EXOC6B: variants seen among roughly 807,000 people sequenced by gnomAD.
The protein encoded by EXOC6B is SEC15 homolog B.
EXOC6B carries 54 observed loss-of-function variants against 113.5 expected under a neutral mutation model. That is an observed-to-expected ratio of 0.48 (90% CI 0.38 to 0.60). The LOEUF (loss-of-function observed/expected upper bound fraction) is 0.60. Among genes scored for constraint, EXOC6B ranks in the 20% least tolerant of loss-of-function variants. The pLI is 0.00. For synonymous variants in EXOC6B, 357 were observed against 339.0 expected (o/e 1.05, Z -0.58); for missense variants, 797 against 977.5 (o/e 0.82, Z 2.46).
At chr2:72,313,381 G>T (rs1055639563) in intron 20 of EXOC6B, among the ~76,000 whole-genome samples, 4 of 152,084 alleles carry the variant, frequency 2.6e-5, no homozygotes, top group African/African-American at 7.2e-5. Flanking sequence ...TTAAATAAAA[G>T]TTAAAAAAAT....
intron 20 of EXOC6B, among the ~76,000 whole-genome samples, chr2:72,333,348 C>A (rs1688510456): frequency 6.6e-6 from 1 of 152,086 alleles, no homozygotes; most frequent in South Asian, 2.1e-4. Flanking sequence ...GGGACCAAAA[C>A]CACAAACTAG....
At chr2:72,407,370 C>A (rs1693849798) in intron 18 of EXOC6B, among the ~76,000 whole-genome samples, 1 of 152,186 alleles carries the variant, frequency 6.6e-6, no homozygotes. Context: ...TTTGATGAGG[C>A]CAGCATCATC....
intron 6 of EXOC6B, among the ~76,000 whole-genome samples, chr2:72,610,485 G>A (rs1052904973): frequency 6.6e-6 from 1 of 152,160 alleles, no homozygotes; most frequent in African/African-American, 2.4e-5. Context: ...CAGGGATTAA[G>A]TAATTGCTGA....
chr2:72,315,883 A>C (rs1444398904), intron 20 of EXOC6B, among the ~76,000 whole-genome samples: 2 of 152,194 alleles, frequency 1.3e-5, no homozygotes, highest in Non-Finnish European at 2.9e-5. Flanking sequence ...ACTGATGAAG[A>C]TAATTATATT....
At chr2:72,443,575 T>G (rs1298030157) in intron 18 of EXOC6B, among the ~76,000 whole-genome samples, 1 of 152,086 alleles carries the variant, frequency 6.6e-6, no homozygotes, top group Non-Finnish European at 1.5e-5. Context: ...AAAACATACC[T>G]AAGACTGGAT....
At chr2:72,590,438 T>C (rs937418096) in intron 6 of EXOC6B, among the ~76,000 whole-genome samples, 20 of 151,886 alleles carry the variant, frequency 1.3e-4, no homozygotes, top group Admixed American at 1.1e-3. Context: ...GAAAACAATA[T>C]GTTACTATGC....
intron 1 of EXOC6B, among the ~76,000 whole-genome samples, chr2:72,796,209 T>C (rs991267686): frequency 2.0e-5 from 3 of 151,034 alleles, no homozygotes; most frequent in Non-Finnish European, 4.4e-5. Flanking sequence ...TCCCAGCACT[T>C]TGGAAGGCCG....
chr2:72,419,595 G>T (rs146000562), intron 18 of EXOC6B, among the ~76,000 whole-genome samples: 2 of 152,204 alleles, frequency 1.3e-5, no homozygotes, highest in Non-Finnish European at 2.9e-5. Flanking sequence ...TTCACAGTTT[G>T]TTTTTTCTTT....
chr2:72,287,215 G>C (rs1048380502), intron 20 of EXOC6B, among the ~76,000 whole-genome samples: 3 of 151,872 alleles, frequency 2.0e-5, no homozygotes, highest in Non-Finnish European at 4.4e-5. Context: ...AGATCACGAG[G>C]TCAGGAGATC....
chr2:72,456,807 A>T (rs1220799949), intron 18 of EXOC6B, among the ~76,000 whole-genome samples: 1 of 152,132 alleles, frequency 6.6e-6, no homozygotes, highest in Non-Finnish European at 1.5e-5. Flanking sequence ...AAAGTACACA[A>T]ATGAATGACA....
At chr2:72,368,512 T>A (rs551504436) in intron 19 of EXOC6B, among the ~76,000 whole-genome samples, 8 of 152,202 alleles carry the variant, frequency 5.3e-5, no homozygotes, top group Non-Finnish European at 1.0e-4. Context: ...TAACTCATTT[T>A]ATGAGGCCAG....
At chr2:72,398,727 T>TACAC (rs60055732) in intron 18 of EXOC6B, among the ~76,000 whole-genome samples, 13,800 of 138,854 alleles carry the variant, frequency 0.099, 681 homozygotes, top group African/African-American at 0.11. Context: ...TCTCTCTGTC[T>TACAC]ACACACACAC....
intron 16 of EXOC6B, among the ~76,000 whole-genome samples, chr2:72,490,657 TA>T (rs1699690971): frequency 6.6e-6 from 1 of 152,170 alleles, no homozygotes; most frequent in Non-Finnish European, 1.5e-5. Flanking sequence ...TATAGTTCCC[TA>T]AAAACACCCA....
chr2:72,684,232 T>G (rs1330788036), intron 6 of EXOC6B, among the ~76,000 whole-genome samples: 2 of 152,072 alleles, frequency 1.3e-5, no homozygotes, highest in Non-Finnish European at 2.9e-5. Flanking sequence ...AGACTGCAAT[T>G]TATTCTTATA....
At chr2:72,327,014 G>T (rs1352085290) in intron 20 of EXOC6B, among the ~76,000 whole-genome samples, 1 of 151,920 alleles carries the variant, frequency 6.6e-6, no homozygotes, top group Non-Finnish European at 1.5e-5. Flanking sequence ...CAAAAGCCTG[G>T]TATTTTATCT....
chr2:72,575,510 G>A lies in EXOC6B; in HGVS notation c.828C>T (p.Asp276=), dbSNP rs143680902. 2.9e-4 allele frequency: 458 copies of A among 1,603,720 alleles called. 2 individuals carry two copies. The African/African-American group carries it at 4.9e-3, about 17-fold the overall frequency. The part of the protein sequence containing the change: ...EQDSGILDVE[D]EEDDEEVPGA... ...TACTTACCTCTTCATCATCTTCCTC[G>A]TCTTCAACATCCAGAATTCCTGAAT... Residue 276 remains aspartate, a synonymous_variant, in exon 7 of 22, where the codon GAC becomes GAT. Transcript: ENST00000272427.
At chr2:72,466,482 CCA>C (rs1388923089) in intron 17 of EXOC6B, among the ~76,000 whole-genome samples, 8 of 152,230 alleles carry the variant, frequency 5.3e-5, no homozygotes, top group African/African-American at 1.2e-4. Flanking sequence ...ATTCTTTCCT[CCA>C]CAGTCAGAAA....
At chr2:72,761,649 C>A (rs1682748511) in intron 1 of EXOC6B, among the ~76,000 whole-genome samples, 2 of 152,040 alleles carry the variant, frequency 1.3e-5, no homozygotes, top group South Asian at 4.1e-4. Flanking sequence ...AGAAATTTAA[C>A]AAGATTGGCT....
intron 20 of EXOC6B, among the ~76,000 whole-genome samples, chr2:72,240,055 G>A (rs1314330323): frequency 6.6e-6 from 1 of 152,096 alleles, no homozygotes; most frequent in Non-Finnish European, 1.5e-5. Flanking sequence ...GGATTCATTT[G>A]TCAGTTCTAA....
Sources: allele counts gnomAD v4.1 joint callset (sites outside exome capture counted in the v4.1 genomes callset), GRCh38; gene constraint gnomAD v4.1.1; transcripts MANE v1.5; gene names NCBI Gene and HGNC (gene_info 2026-07-23, HGNC 2026-07-21).